CNGB1: variants seen among roughly 807,000 people sequenced by gnomAD.
The protein encoded by CNGB1 is cyclic nucleotide-gated channel beta-1.
CNGB1 carries 126 observed loss-of-function variants against 151.7 expected under a neutral mutation model. That is an observed-to-expected ratio of 0.83 (90% CI 0.72 to 0.96). The LOEUF (loss-of-function observed/expected upper bound fraction) is 0.96, where lower values mean the gene tolerates loss of function less well. Among genes scored for constraint, CNGB1 ranks in the 40% least tolerant of loss-of-function variants. CNGB1 has a pLI of 0.00. For synonymous variants in CNGB1, 623 were observed against 635.1 expected, an observed-to-expected ratio of 0.98 and a Z score of 0.29; for missense variants, 1,698 against 1,627.0, an observed-to-expected ratio of 1.04 and a Z score of -0.75.
intron 18 of CNGB1, among the ~76,000 whole-genome samples, chr16:57,920,918 T>C (rs1386591598): frequency 6.6e-6 from 1 of 152,276 alleles, no homozygotes; most frequent in South Asian, 2.1e-4. Flanking sequence ...GAGATATGTG[T>C]CCAGGGGCAG....
intron 1 of CNGB1, among the ~76,000 whole-genome samples, chr16:57,969,680 G>T (rs894942257): frequency 6.6e-6 from 1 of 152,234 alleles, no homozygotes; most frequent in Non-Finnish European, 1.5e-5. Context: ...TGCCAGGTAA[G>T]ACTTTTTTCA....
chr16:57,952,112 C>T (rs1961963969), intron 12 of CNGB1, among the ~76,000 whole-genome samples: 1 of 152,266 alleles, frequency 6.6e-6, no homozygotes, highest in South Asian at 2.1e-4. Context: ...ATGCCAGTTC[C>T]TGCCTGGGCA....
At chr16:57,907,005 G>C (rs2048413788) in intron 25 of CNGB1, among the ~76,000 whole-genome samples, 1 of 152,196 alleles carries the variant, frequency 6.6e-6, no homozygotes, top group Non-Finnish European at 1.5e-5. Flanking sequence ...TGTAAAAGTT[G>C]TTATTCTTCA....
At chr16:57,896,573 C>T (rs1172002521) in intron 31 of CNGB1, among the ~76,000 whole-genome samples, 2 of 151,946 alleles carry the variant, frequency 1.3e-5, no homozygotes, top group East Asian at 3.9e-4. Flanking sequence ...ATTAGCCGGG[C>T]GTGGTGGTGT....
intron 22 of CNGB1, 38 bp downstream of exon 22, chr16:57,916,091 A>G (rs1417948333): frequency 1.2e-6 from 2 of 1,611,236 alleles, no homozygotes; most frequent in Non-Finnish European, 8.5e-7. Flanking sequence ...CCCTTCTGAA[A>G]CCCCGCAGAC....
rs760452525 is a variant in CNGB1 at position 57,883,537 on chromosome 16, G to T, written c.*627C>A. ...TCCTCCTGCCTCAACCTCTCCAGTA[G>T]CTGGGACTACAGGTGCACACCATCA... On this transcript the variant is annotated 3_prime_UTR_variant, in exon 33 of 33. Coordinates refer to ENST00000251102, the MANE Select transcript of CNGB1 (RefSeq NM_001297.5). 1.1e-4 allele frequency: 17 copies of T among 161,538 alleles called. No homozygotes were observed. The highest frequency in any genetic ancestry group is 1.7e-4 in the Non-Finnish European group (13 of 74,762). The allele number at this position is 161,538 out of a possible 1,614,324, so 10.0% of individuals were successfully genotyped here.
chr16:57,915,142 G>T, intron 23 of CNGB1, 107 bp downstream of exon 23: 3 of 859,822 alleles, frequency 3.5e-6, no homozygotes, highest in Non-Finnish European at 1.9e-6. Flanking sequence ...GCCATCCCTT[G>T]AGGAACTCCC....
At chr16:57,964,397 G>A in intron 3 of CNGB1, 90 bp downstream of exon 3, 1 of 1,518,626 alleles carries the variant, frequency 6.6e-7, no homozygotes, top group South Asian at 1.1e-5. Flanking sequence ...TCTGTGAAAT[G>A]GGTCCGCCAG....
rs763416913 is a variant in CNGB1, at chr16:57,901,558, G to C, written c.2862C>G (p.Tyr954Ter). The change falls in exon 28 of 33, where the codon TAC becomes TAG. Residue 954 changes from tyrosine to a stop codon, truncating the protein, a stop_gained. Coordinates refer to ENST00000251102, the MANE Select transcript of CNGB1 (RefSeq NM_001297.5). LOFTEE classifies it high-confidence loss of function. ...MRLDLAIDVN[Y>*]NIVSKVALFQ... ...AGAGTGCGACTTTGCTAACGATGTT[G>C]TAGTTCACGTCGATGGCGAGGTCCA... 6.2e-7 allele frequency: 1 copy of C among 1,614,186 alleles called. No homozygotes were observed. Among genetic ancestry groups the C allele is most frequent in the Non-Finnish European group, 8.5e-7 (1 of 1,180,036 alleles).
At chr16:57,886,571 C>T (rs1358594855) in intron 32 of CNGB1, among the ~76,000 whole-genome samples, 1 of 152,190 alleles carries the variant, frequency 6.6e-6, no homozygotes, top group Non-Finnish European at 1.5e-5. Flanking sequence ...TGTCAAACAA[C>T]ATCTGGATGG....
At chr16:57,915,219 G>A in intron 23 of CNGB1, 30 bp downstream of exon 23, 1 of 1,581,506 alleles carries the variant, frequency 6.3e-7, no homozygotes, top group Non-Finnish European at 8.7e-7. Context: ...ATGAGCTGAA[G>A]GCCTGGGGTG....
chr16:57,931,926 G>A (rs779573540), intron 16 of CNGB1, 48 bp from the exon 17 acceptor site: 7 of 1,601,448 alleles, frequency 4.4e-6, no homozygotes. Flanking sequence ...ACAAAAGCTG[G>A]GTCCCAGGAG....
intron 31 of CNGB1, among the ~76,000 whole-genome samples, chr16:57,889,832 G>T (rs375831487): frequency 1.3e-5 from 2 of 152,038 alleles, no homozygotes; most frequent in Non-Finnish European, 1.5e-5. Flanking sequence ...ATTACAAAAC[G>T]ACATTGCATC....
Position 57,925,903 on chromosome 16 carries a change from G to T in CNGB1, c.1536-2523C>A, listed in dbSNP as rs1364983298. ...GGGTTTCACCATATTGGCCAGGCTG[G>T]TCTCGAACTCCTGACCTCAGGTGAT... On this transcript the variant is annotated intron_variant, in intron 17 of 32. Coordinates refer to ENST00000251102, the MANE Select transcript of CNGB1 (RefSeq NM_001297.5). Among the ~76,000 whole-genome samples the T allele has an allele frequency of 3.3e-5, 5 of 152,082 alleles. No individual in the cohort carries two copies. The East Asian group carries it at 9.6e-4, about 29-fold the overall frequency.
chr16:57,943,601 C>T (rs1267489219), intron 14 of CNGB1, among the ~76,000 whole-genome samples: 1 of 152,078 alleles, frequency 6.6e-6, no homozygotes, highest in African/African-American at 2.4e-5. Context: ...ACCCAGGAGG[C>T]GGAGGTTGCA....
intron 27 of CNGB1, among the ~76,000 whole-genome samples, chr16:57,902,941 T>C (rs1960429991): frequency 1.3e-5 from 2 of 152,162 alleles, no homozygotes; most frequent in Admixed American, 6.5e-5. Flanking sequence ...TGCCCTACTA[T>C]AATATCGACT....
At chr16:57,933,441 G>A (rs1402554749) in intron 16 of CNGB1, among the ~76,000 whole-genome samples, 1 of 152,168 alleles carries the variant, frequency 6.6e-6, no homozygotes, top group African/African-American at 2.4e-5. Flanking sequence ...TGAGAATCAG[G>A]TCCTCTCCAG....
chr16:57,964,347 G>A lies in CNGB1; in HGVS notation c.217+140C>T, dbSNP rs1439512810. On this transcript the variant is annotated intron_variant, in intron 3 of 32. Transcript: ENST00000251102. Reference sequence around the variant, plus strand: ...CCAGCTCAGCTCAACTGAAGTCTCTGGGAGCCCACCCTTAGCTTCTCTGAG... The same window carrying A: ...CCAGCTCAGCTCAACTGAAGTCTCTAGGAGCCCACCCTTAGCTTCTCTGAG... 5.1e-6 allele frequency: 7 copies of A among 1,370,152 alleles called. No homozygotes were observed. In the African/African-American group the frequency reaches 5.7e-5, roughly 11 times the overall value. 84.9% of individuals were successfully genotyped at this position (1,370,152 alleles called of 1,614,324 possible). A position where few individuals can be genotyped will look rare whatever the true frequency, so the allele number is the denominator to read the frequency against.
chr16:57,923,248 T>A (rs1961094314), intron 18 of CNGB1, 25 bp downstream of exon 18: 3 of 1,553,214 alleles, frequency 1.9e-6, no homozygotes, highest in Non-Finnish European at 2.6e-6. Context: ...TCTTTCAATT[T>A]TCTGAGACCC....
Sources: allele counts gnomAD v4.1 joint callset (sites outside exome capture counted in the v4.1 genomes callset), GRCh38; gene constraint gnomAD v4.1.1; transcripts MANE v1.5; gene names NCBI Gene and HGNC (gene_info 2026-07-23, HGNC 2026-07-21).